The following PLCH2 variants were observed in gnomAD, a reference collection of about 807,000 sequenced individuals.
PLCH2 encodes phospholipase C eta 2.
In PLCH2, 98 loss-of-function variants were observed where a neutral mutation model predicts 134.7. That is an observed-to-expected ratio of 0.73 (90% confidence interval 0.62 to 0.86). The LOEUF (loss-of-function observed/expected upper bound fraction) is 0.86, where lower values mean the gene tolerates loss of function less well. Ranked by LOEUF, PLCH2 falls within the 40% of genes least tolerant of loss-of-function variation. The pLI is 0.00. For missense variants in PLCH2, 1,994 were observed against 1,986.6 expected (o/e 1.00, Z -0.07); for synonymous variants, 974 against 827.5 (o/e 1.18, Z -3.04).
chr1:2,447,965 C>T (rs1640017933), intron 2 of PLCH2, among the ~76,000 whole-genome samples: 1 of 152,172 alleles, frequency 6.6e-6, no homozygotes, highest in Non-Finnish European at 1.5e-5. Flanking sequence ...CCTGCGGTAC[C>T]AGGAGAGTCA....
chr1:2,483,837 T>TGACCCCCGTGTGGGGG (rs1558004951), intron 4 of PLCH2, among the ~76,000 whole-genome samples: 1 of 12,910 alleles, frequency 7.7e-5, no homozygotes, highest in African/African-American at 3.2e-4. Context: ...CGTGTGGGGG[T>TGACCCCCGTGTGGGGG]GGCGCTGACC....
intron 2 of PLCH2, among the ~76,000 whole-genome samples, chr1:2,447,556 C>T (rs1639999455): frequency 6.6e-6 from 1 of 152,234 alleles, no homozygotes; most frequent in African/African-American, 2.4e-5. Flanking sequence ...GGGCCGCTGA[C>T]CCGGAGCTCC....
chr1:2,504,448 C>T lies in PLCH2; in HGVS notation c.3486C>T (p.Ser1162=), dbSNP rs775570491. The T allele has an allele frequency of 1.1e-5, 18 of 1,612,480 alleles. No individual in the cohort carries two copies. In the South Asian group the frequency reaches 1.9e-4, roughly 17 times the overall value. The change falls in exon 22 of 22, where the codon AGC becomes AGT. Residue 1162 remains serine, a synonymous_variant. Coordinates refer to ENST00000378486, the MANE Select transcript of PLCH2 (RefSeq NM_014638.4). ...CTGTCATTGACCTCTCCCTGCCCAG[C>T]CTGGGCCTGGGCCGCAGCCGTGAGA... The part of the protein sequence containing the change: ...SDTVIDLSLP[S]LGLGRSRENL...
At chr1:2,466,794 G>C (rs918831023), upstream of PLCH2, among the ~76,000 whole-genome samples, 4 of 152,238 alleles carry the variant, frequency 2.6e-5, no homozygotes, top group Admixed American at 1.3e-4. Flanking sequence ...TGCTGGCTCG[G>C]AGAGGGAGAG....
chr1:2,468,301 C>T (rs574645120), intron 1 of PLCH2, among the ~76,000 whole-genome samples: 7 of 152,392 alleles, frequency 4.6e-5, no homozygotes, highest in South Asian at 4.1e-4. Context: ...CATCCCGCTC[C>T]GCTCCGGGTT....
intron 1 of PLCH2, 132 bp downstream of exon 1, chr1:2,476,844 C>CG: frequency 1.0e-6 from 1 of 977,814 alleles, no homozygotes; most frequent in Non-Finnish European, 1.4e-6. Flanking sequence ...CCCTGTCCCC[C>CG]GGGTGCTCTA....
chr1:2,426,790 C>T (rs536511938), intron 1 of PLCH2, among the ~76,000 whole-genome samples: 19 of 152,360 alleles, frequency 1.2e-4, no homozygotes, highest in Admixed American at 1.2e-3. Flanking sequence ...CTTTGTCTCC[C>T]TGTGCGGCCA....
intron 1 of PLCH2, 132 bp from the exon 2 acceptor site, chr1:2,478,344 G>A: frequency 2.7e-6 from 3 of 1,122,714 alleles, no homozygotes; most frequent in South Asian, 2.9e-5. Flanking sequence ...CGGGCGAGGT[G>A]AGGAGTGGCC....
At position 2,487,617 on chromosome 1, in the gene PLCH2, C is replaced by T. The variant is rs377587262; in HGVS notation, c.1134C>T (p.Pro378=). The T allele has an allele frequency of 7.2e-5, 116 of 1,612,908 alleles. No individual in the cohort carries two copies. The highest frequency in any genetic ancestry group is 3.3e-4 in the South Asian group (30 of 91,026). ...CTGCAGTGGACTGCTGGGATGGGCC[C>T]GACGGGGAGCCCATTGTGCACCATG... ...RCVEVDCWDG[P]DGEPIVHHGY... The change falls in exon 8 of 22, where the codon CCC becomes CCT. Residue 378 remains proline, a synonymous_variant. Coordinates refer to ENST00000378486, the MANE Select transcript of PLCH2 (RefSeq NM_014638.4).
chr1:2,449,138 A>T (rs977925822), intron 2 of PLCH2, among the ~76,000 whole-genome samples: 4 of 80,866 alleles, frequency 4.9e-5, no homozygotes, highest in Non-Finnish European at 7.7e-5. Flanking sequence ...CAGCACCCCC[A>T]CCCCCCGCCC....
intron 2 of PLCH2, among the ~76,000 whole-genome samples, chr1:2,459,905 C>G (rs985746255): frequency 1.3e-5 from 2 of 152,258 alleles, no homozygotes; most frequent in East Asian, 3.8e-4. Flanking sequence ...GTTTCCTTGG[C>G]ACCGTGAGGG....
chr1:2,480,062 G>A lies in PLCH2; in HGVS notation c.515+85G>A, dbSNP rs530401465. 4,684 of 1,579,806 alleles carry A rather than the reference G, an allele frequency of 3.0e-3. 4 individuals are homozygous for A. The highest frequency in any genetic ancestry group is 3.7e-3 in the Non-Finnish European group (4,312 of 1,158,622). On this transcript the variant is annotated intron_variant, in intron 3 of 21. Transcript: ENST00000378486. ...CCTGGGGGGGCCTGTCCTTTGCCGG[G>A]TCACACACTGGGGAAGTGGCCGGTA...
At position 2,504,980 on chromosome 1, in the gene PLCH2, T is replaced by G; in HGVS notation, c.4018T>G (p.Ser1340Ala). 1 of 1,546,996 alleles carries G rather than the reference T, an allele frequency of 6.5e-7. No individual in the cohort carries two copies. The highest frequency in any genetic ancestry group is 8.7e-7 in the Non-Finnish European group (1 of 1,150,180). The stretch of plus-strand genomic sequence containing the variant: ...CCCTGGTTTTGTGCGGCGCTCCTCC[T>G]CCCGCAGCCACAGCCGCGTGCGTGC... ...GGPGFVRRSS[S>A]RSHSRVRAIA... The change falls in exon 22 of 22, where the codon TCC becomes GCC. Residue 1340 changes from serine to alanine, a missense_variant. Ser to Ala is a moderately conservative substitution (Grantham distance 99, BLOSUM62 1). Coordinates refer to ENST00000378486, the MANE Select transcript of PLCH2 (RefSeq NM_014638.4).
chr1:2,482,755 C>T (rs533790851), intron 4 of PLCH2, among the ~76,000 whole-genome samples: 37 of 152,296 alleles, frequency 2.4e-4, no homozygotes, highest in Admixed American at 6.5e-4. Context: ...ATCGTGGCCA[C>T]GGGAGGAGGC....
chr1:2,416,123 C>T, the PLCH2 span, among the ~76,000 whole-genome samples: 5 of 152,210 alleles, frequency 3.3e-5, no homozygotes, highest in Non-Finnish European at 7.3e-5. Context: ...GGTGTGAGCA[C>T]CACCGGAACA....
Position 2,505,420 on chromosome 1 carries a change from G to A in PLCH2, c.*207G>A. The A allele has an allele frequency of 1.8e-6, 1 of 566,846 alleles. No homozygotes were observed. The highest frequency in any genetic ancestry group is 3.1e-6 in the Non-Finnish European group (1 of 323,240). 35.1% of individuals were successfully genotyped at this position (566,846 alleles called of 1,614,324 possible). A position where few individuals can be genotyped will look rare whatever the true frequency, so the allele number is the denominator to read the frequency against. ...CGGGGCCCACAGGAGGGGCTTCGAG[G>A]CTGGCCCTGCCAGGCAGTTTTCCCG... On this transcript the variant is annotated 3_prime_UTR_variant, in exon 22 of 22. Transcript: ENST00000378486.
chr1:2,477,833 G>A (rs971596130), intron 1 of PLCH2, among the ~76,000 whole-genome samples: 1 of 152,228 alleles, frequency 6.6e-6, no homozygotes, highest in Admixed American at 6.5e-5. Context: ...GGCGCTTGTT[G>A]CACATGAGGG....
At chr1:2,430,526 C>T (rs1467247607) in exon 2 of PLCH2, 2 of 152,234 alleles carry the variant, frequency 1.3e-5, no homozygotes, top group South Asian at 2.1e-4. Context: ...TGATGGCTCC[C>T]CCGACAGCCG....
intron 10 of PLCH2, 62 bp downstream of exon 10, chr1:2,489,929 C>G (rs200930776): frequency 2.2e-5 from 27 of 1,215,320 alleles, no homozygotes; most frequent in Non-Finnish European, 4.9e-6. Flanking sequence ...AACAGCTGTC[C>G]GTCCTTGCTG....
Sources: gnomAD v4.1 joint callset for allele counts (sites outside exome capture counted in the v4.1 genomes callset) on GRCh38, gnomAD v4.1.1 for gene constraint, MANE v1.5 for transcripts, NCBI Gene and HGNC (gene_info 2026-07-23, HGNC 2026-07-21) for gene names.